Variants in NYAP2 observed in about 807,000 individuals in gnomAD.
The protein encoded by NYAP2 is neuronal tyrosine-phosphorylated phosphoinositide-3-kinase adaptor 2, also known as neuronal tyrosine-phosphorylated phosphoinositide-3-kinase adapter 2.
A neutral mutation model predicts 50.4 loss-of-function variants in NYAP2; 23 were observed. The observed-to-expected ratio is 0.46, with a 90% CI of 0.33 to 0.65. The LOEUF is 0.65. Among genes scored for constraint, NYAP2 ranks in the 30% least tolerant of loss-of-function variants. The pLI, the probability that NYAP2 is intolerant of heterozygous loss-of-function variation, is 0.02. For missense variants in NYAP2, 885 were observed against 861.0 expected (o/e 1.03, Z -0.35); for synonymous variants, 394 against 365.2 (o/e 1.08, Z -0.90).
At chr2:225,618,769 T>C (rs540169431) in intron 5 of NYAP2, among the ~76,000 whole-genome samples, 3 of 152,318 alleles carry the variant, frequency 2.0e-5, no homozygotes, top group South Asian at 2.1e-4. Context: ...ACCCAAAGCA[T>C]TGGAACTTGG....
intron 6 of NYAP2, among the ~76,000 whole-genome samples, chr2:225,629,214 A>G (rs1693267978): frequency 6.6e-6 from 1 of 152,216 alleles, no homozygotes; most frequent in Non-Finnish European, 1.5e-5. Flanking sequence ...GCAGATGTCC[A>G]AGTGCAAGAG....
chr2:225,554,273 A>G (rs1375937973), intron 4 of NYAP2, among the ~76,000 whole-genome samples: 1 of 151,006 alleles, frequency 6.6e-6, no homozygotes. Context: ...ATTACAGAAA[A>G]ATTTCCCAAT....
intron 5 of NYAP2, among the ~76,000 whole-genome samples, chr2:225,590,257 C>T (rs1004588573): frequency 3.3e-5 from 5 of 152,194 alleles, no homozygotes; most frequent in Non-Finnish European, 7.3e-5. Flanking sequence ...AAGGGTCCTT[C>T]CAGCAGCTCA....
chr2:225,565,307 T>C (rs1435463286), intron 4 of NYAP2, among the ~76,000 whole-genome samples: 3 of 152,148 alleles, frequency 2.0e-5, no homozygotes, highest in Non-Finnish European at 4.4e-5. Context: ...ACTAAAATGG[T>C]AATATCCCAA....
intron 3 of NYAP2, among the ~76,000 whole-genome samples, chr2:225,438,273 AG>A (rs1689414260): frequency 6.6e-6 from 1 of 152,250 alleles, no homozygotes; most frequent in South Asian, 2.1e-4. Context: ...TGTCACATCA[AG>A]TAATGCCATG....
At chr2:225,605,672 T>C (rs1347153862) in intron 5 of NYAP2, among the ~76,000 whole-genome samples, 1 of 152,078 alleles carries the variant, frequency 6.6e-6, no homozygotes, top group Admixed American at 6.6e-5. Flanking sequence ...AATAAATAAA[T>C]AAATAAATAA....
chr2:225,556,484 A>G (rs1435214385), intron 4 of NYAP2, among the ~76,000 whole-genome samples: 1 of 152,202 alleles, frequency 6.6e-6, no homozygotes, highest in Non-Finnish European at 1.5e-5. Flanking sequence ...GTGATAATTT[A>G]GGCATCTAGA....
intron 4 of NYAP2, among the ~76,000 whole-genome samples, chr2:225,559,951 A>G (rs1445953818): frequency 6.6e-6 from 1 of 152,106 alleles, no homozygotes; most frequent in Non-Finnish European, 1.5e-5. Flanking sequence ...GGAATGCATG[A>G]TGTAAACTGA....
chr2:225,546,842 C>T (rs1182534094), intron 4 of NYAP2, among the ~76,000 whole-genome samples: 1 of 152,162 alleles, frequency 6.6e-6, no homozygotes, highest in African/African-American at 2.4e-5. Flanking sequence ...CCCAGGCTGA[C>T]CTGTTCTACC....
intron 4 of NYAP2, among the ~76,000 whole-genome samples, chr2:225,522,645 G>A (rs1416177258): frequency 6.6e-6 from 1 of 152,106 alleles, no homozygotes; most frequent in South Asian, 2.1e-4. Context: ...TATCTACCCT[G>A]TTGTACTGGG....
At chr2:225,421,948 A>G (rs1390265993) in intron 3 of NYAP2, among the ~76,000 whole-genome samples, 1 of 152,010 alleles carries the variant, frequency 6.6e-6, no homozygotes, top group Non-Finnish European at 1.5e-5. Flanking sequence ...GTTATTCTTG[A>G]TTTGTTTTTT....
chr2:225,526,861 G>T (rs1247466646), intron 4 of NYAP2, among the ~76,000 whole-genome samples: 4 of 152,102 alleles, frequency 2.6e-5, no homozygotes, highest in Admixed American at 1.3e-4. Context: ...ATAACTGAAG[G>T]CCCACATTCC....
intron 3 of NYAP2, among the ~76,000 whole-genome samples, chr2:225,416,271 C>T (rs1211258697): frequency 6.6e-6 from 1 of 152,110 alleles, no homozygotes; most frequent in Admixed American, 6.6e-5. Flanking sequence ...AAATCAAATG[C>T]ATGGGCAAGT....
chr2:225,598,172 T>G (rs1692637443), intron 5 of NYAP2, among the ~76,000 whole-genome samples: 1 of 152,090 alleles, frequency 6.6e-6, no homozygotes, highest in South Asian at 2.1e-4. Context: ...AGAATAACTC[T>G]GAGAACAAAG....
chr2:225,624,091 A>G (rs571001188), intron 5 of NYAP2, among the ~76,000 whole-genome samples: 1 of 152,370 alleles, frequency 6.6e-6, no homozygotes, highest in African/African-American at 2.4e-5. Flanking sequence ...GGAGAAAAGT[A>G]TATAAAGAAA....
intron 6 of NYAP2, among the ~76,000 whole-genome samples, chr2:225,638,013 T>G (rs1693452102): frequency 6.6e-6 from 1 of 152,182 alleles, no homozygotes; most frequent in South Asian, 2.1e-4. Context: ...AACTGAACTC[T>G]CATTTCTAGC....
At chr2:225,496,483 C>G (rs1358360420) in intron 3 of NYAP2, among the ~76,000 whole-genome samples, 4 of 151,932 alleles carry the variant, frequency 2.6e-5, no homozygotes, top group Non-Finnish European at 4.4e-5. Flanking sequence ...TGATTCCTAC[C>G]CTGATCCAAA....
chr2:225,507,840 A>G (rs1220825205), intron 3 of NYAP2, among the ~76,000 whole-genome samples: 4 of 152,250 alleles, frequency 2.6e-5, no homozygotes, highest in African/African-American at 4.8e-5. Context: ...GACGGGGCCA[A>G]TGCCGCTATT....
chr2:225,403,923 T>G (rs758966343), intron 2 of NYAP2, among the ~76,000 whole-genome samples: 1 of 151,978 alleles, frequency 6.6e-6, no homozygotes, highest in Non-Finnish European at 1.5e-5. Context: ...ATTACACTCA[T>G]GAAGAAATTT....
Sources: gnomAD v4.1 joint callset for allele counts (sites outside exome capture counted in the v4.1 genomes callset) on GRCh38, gnomAD v4.1.1 for gene constraint, MANE v1.5 for transcripts, NCBI Gene and HGNC (gene_info 2026-07-23, HGNC 2026-07-21) for gene names.